Variants in ACVR1B observed in about 807,000 individuals in gnomAD.
ACVR1B encodes activin receptor type-1B.
A neutral mutation model predicts 55.6 loss-of-function variants in ACVR1B; 15 were observed. That is an observed-to-expected ratio of 0.27 (90% CI 0.18 to 0.42). The LOEUF is 0.42. Among genes scored for constraint, ACVR1B ranks in the 10% least tolerant of loss-of-function variants. The pLI, the probability that ACVR1B is intolerant of heterozygous loss-of-function variation, is 1.00. For missense variants in ACVR1B, 359 were observed against 670.1 expected (o/e 0.54, Z 5.13); for synonymous variants, 247 against 254.6 (o/e 0.97, Z 0.28).
In ACVR1B at chr12:51,976,351, C is replaced by T. The variant is rs200497301; in HGVS notation, c.356C>T (p.Pro119Leu). 21 of 1,614,182 alleles carry T rather than the reference C, an allele frequency of 1.3e-5. No homozygotes were observed. In the East Asian group the frequency reaches 1.8e-4, roughly 14 times the overall value. The change falls in exon 3 of 9, where the codon CCG becomes CTG. Residue 119 changes from proline (P) to leucine (L), a missense_variant. Around this residue, in one of 5 missense-constraint regions of ACVR1B, gnomAD observed 133 missense variants for 188.2 expected, o/e 0.71. Coordinates refer to ENST00000257963, the MANE Select transcript of ACVR1B (RefSeq NM_004302.5). ...PSGHLKEPEH[P>L]SMWGPVELVG... ...GGTCACCTCAAGGAGCCTGAGCACCCGTCCATGTGGGGCCCGGTGGAGCTG... is the reference window on the plus strand; with the variant it reads ...GGTCACCTCAAGGAGCCTGAGCACCTGTCCATGTGGGGCCCGGTGGAGCTG...
At chr12:51,989,722 A>G (rs2120739222) in intron 7 of ACVR1B, among the ~76,000 whole-genome samples, 1 of 152,276 alleles carries the variant, frequency 6.6e-6, no homozygotes, top group Admixed American at 6.5e-5. Flanking sequence ...GCGGTGGCTC[A>G]TGCCTGTAAT....
rs574259990 is a variant in ACVR1B at position 51,979,197 on chromosome 12, G to A, written c.581-1772G>A. Among the ~76,000 whole-genome samples, 401 of 149,048 alleles carry A rather than the reference G, an allele frequency of 2.7e-3. 3 individuals are homozygous for A. Among genetic ancestry groups the A allele is most frequent in the African/African-American group, 9.3e-3 (374 of 40,162 alleles). On this transcript the variant is annotated intron_variant, in intron 3 of 8. Transcript: ENST00000257963. ...AAAAAAAAAAAAGGCCAGGCACGGT[G>A]GCTCACACCTGTAATCCCAGCACTT... is the stretch of plus-strand genomic sequence containing the variant.
intron 1 of ACVR1B, among the ~76,000 whole-genome samples, chr12:51,962,641 A>G (rs774362180): frequency 3.3e-5 from 5 of 152,190 alleles, no homozygotes; most frequent in Non-Finnish European, 7.3e-5. Flanking sequence ...CAAGAAAGCC[A>G]CACATTGCCT....
chr12:51,958,377 G>A (rs1941451723), intron 1 of ACVR1B, among the ~76,000 whole-genome samples: 1 of 152,146 alleles, frequency 6.6e-6, no homozygotes, highest in Non-Finnish European at 1.5e-5. Flanking sequence ...GGATGAAACT[G>A]TTCCACCTCA....
chr12:51,969,452 G>A (rs1180839735), intron 1 of ACVR1B, among the ~76,000 whole-genome samples: 4 of 152,154 alleles, frequency 2.6e-5, no homozygotes, highest in Non-Finnish European at 2.9e-5. Flanking sequence ...TATGTGTAAA[G>A]AGATTTCCAG....
chr12:51,967,667 G>T (rs541279324), intron 1 of ACVR1B, among the ~76,000 whole-genome samples: 1 of 152,232 alleles, frequency 6.6e-6, no homozygotes, highest in African/African-American at 2.4e-5. Context: ...ACACTTAGCT[G>T]TATAGGCACT....
chr12:51,989,056 C>T (rs907182802), intron 7 of ACVR1B, among the ~76,000 whole-genome samples: 10 of 151,982 alleles, frequency 6.6e-5, no homozygotes, highest in Non-Finnish European at 1.0e-4. Flanking sequence ...CCTGGGAGTT[C>T]GAGACCAGCC....
intron 8 of ACVR1B, chr12:51,992,307 CAA>C (rs1308488936): frequency 2.3e-6 from 1 of 443,218 alleles, no homozygotes; most frequent in Non-Finnish European, 4.0e-6. Context: ...AAGTTCGAGA[CAA>C]ACCTGGGCAA....
intron 7 of ACVR1B, among the ~76,000 whole-genome samples, chr12:51,990,582 C>G (rs1942171955): frequency 6.6e-6 from 1 of 152,070 alleles, no homozygotes; most frequent in Non-Finnish European, 1.5e-5. Flanking sequence ...TCCCAAAGTG[C>G]TAGAATTAGA....
chr12:51,953,128 A>G (rs1941342029), intron 1 of ACVR1B, among the ~76,000 whole-genome samples: 1 of 152,274 alleles, frequency 6.6e-6, no homozygotes, highest in Non-Finnish European at 1.5e-5. Flanking sequence ...CTCCTGACGT[A>G]CAAAGCCTGA....
chr12:51,951,722 GGC>G lies in ACVR1B; in HGVS notation c.-20_-19del. 6.7e-6 allele frequency: 8 copies of G among 1,195,754 alleles called. No individual in the cohort carries two copies. Among genetic ancestry groups the G allele is most frequent in the Non-Finnish European group, 8.4e-6 (8 of 953,008 alleles). The allele number at this position is 1,195,754 out of a possible 1,614,324, so 74.1% of individuals were successfully genotyped here. A position where few individuals can be genotyped will look rare whatever the true frequency, so the allele number is the denominator to read the frequency against. ...CTGGGCGCTGCTGGGCTGCGGCGGC[GGC>G]GGCGGCGGCGGTGGTTACTATGGCG... On this transcript the variant is annotated 5_prime_UTR_variant, in exon 1 of 9. Transcript: ENST00000257963.
intron 7 of ACVR1B, among the ~76,000 whole-genome samples, chr12:51,988,587 T>C (rs1942125395): frequency 6.6e-6 from 1 of 152,278 alleles, no homozygotes; most frequent in South Asian, 2.1e-4. Context: ...CTAACATTTA[T>C]TCACCACTTG....
At position 51,984,074 on chromosome 12, in the gene ACVR1B, G is replaced by A. The variant is rs754098704; in HGVS notation, c.887G>A (p.Arg296Gln). ...GGGTCCCTGTTTGATTATCTGAACC[G>A]GTACACAGTGACAATTGAGGGGATG... is the stretch of plus-strand genomic sequence containing the variant. ...EHGSLFDYLN[R>Q]YTVTIEGMIK... Residue 296 changes from arginine to glutamine, a missense_variant, in exon 5 of 9, where the codon CGG (arginine) becomes CAG (glutamine). Transcript: ENST00000257963. The A allele has an allele frequency of 1.5e-5, 24 of 1,614,148 alleles. No individual in the cohort carries two copies. Among genetic ancestry groups the A allele is most frequent in the Non-Finnish European group, 1.9e-5 (23 of 1,180,028 alleles).
Position 51,994,199 on chromosome 12 carries a change from TCTGCCCAGC to T in ACVR1B, c.*91_*99del. On this transcript the variant is annotated 3_prime_UTR_variant, in exon 9 of 9. Coordinates refer to ENST00000257963, the MANE Select transcript of ACVR1B (RefSeq NM_004302.5). The surrounding 1 kb of genome is among the most constrained non-coding windows in gnomAD (Gnocchi z 4.2). ...GTACGATGGAGGCCTACCTCTCGTT[TCTGCCCAGC>T]CCTCTGTGGCCAGGAGCCCTGGCCC... The T allele has an allele frequency of 6.4e-7, 1 of 1,551,516 alleles. No homozygotes were observed. Among genetic ancestry groups the T allele is most frequent in the South Asian group, 1.2e-5 (1 of 83,476 alleles).
intron 7 of ACVR1B, among the ~76,000 whole-genome samples, chr12:51,991,561 C>T (rs1327461489): frequency 6.6e-6 from 1 of 152,190 alleles, no homozygotes; most frequent in Non-Finnish European, 1.5e-5. Context: ...GCCACCATGC[C>T]TGGTTAATTT....
At chr12:51,976,686 T>A in intron 3 of ACVR1B, 111 bp downstream of exon 3, 1 of 1,376,468 alleles carries the variant, frequency 7.3e-7, no homozygotes, top group Non-Finnish European at 9.9e-7. Flanking sequence ...CTACCAGCAT[T>A]GAGTCATTTG....
At position 51,993,980 on chromosome 12, in the gene ACVR1B, C is replaced by A. The variant is rs1011956167; in HGVS notation, c.1393-5C>A. On this transcript the variant is annotated splice_polypyrimidine_tract_variant and splice_region_variant and intron_variant, in intron 8 of 8. Transcript: ENST00000257963. ...CGAGCTGATGGCTCCTGGGTCTCTG[C>A]ACAGGCACTGCGGGTGATGGGGAAG... is the stretch of plus-strand genomic sequence containing the variant. The A allele has an allele frequency of 6.2e-7, 1 of 1,613,666 alleles. No homozygotes were observed. The highest frequency in any genetic ancestry group is 8.5e-7 in the Non-Finnish European group (1 of 1,179,982).
chr12:51,954,911 G>C (rs1941378856), intron 1 of ACVR1B, among the ~76,000 whole-genome samples: 1 of 152,182 alleles, frequency 6.6e-6, no homozygotes, highest in African/African-American at 2.4e-5. Flanking sequence ...CTCTGTGATT[G>C]ATAGACGTAC....
chr12:51,953,788 A>G (rs1219186555), intron 1 of ACVR1B, among the ~76,000 whole-genome samples: 1 of 152,124 alleles, frequency 6.6e-6, no homozygotes, highest in Admixed American at 6.5e-5. Context: ...AGAATGTTTG[A>G]TAATCCAAGT....
Sources: gnomAD v4.1 joint callset for allele counts (sites outside exome capture counted in the v4.1 genomes callset) on GRCh38, gnomAD v4.1.1 for gene constraint, gnomAD v4.1.1 regional missense constraint, Gnocchi (gnomAD v3.1) non-coding constraint, MANE v1.5 for transcripts, NCBI Gene and HGNC (gene_info 2026-07-23, HGNC 2026-07-21) for gene names.